PCNX1: variants seen among roughly 807,000 people sequenced by gnomAD.
PCNX1 encodes pecanex-like protein 1.
In PCNX1, 78 loss-of-function variants were observed where a neutral mutation model predicts 242.2. The observed-to-expected ratio is 0.32, with a 90% CI of 0.27 to 0.39. The LOEUF is 0.39. PCNX1 is among the 10% of genes least tolerant of loss of function. The probability of loss-of-function intolerance (pLI) is 1.00; values close to 1 mark genes in which losing one functional copy is unlikely to be tolerated. For synonymous variants in PCNX1, 1,024 were observed against 1,032.9 expected (o/e 0.99, Z 0.17); for missense variants, 2,581 against 2,856.5 (o/e 0.90, Z 2.20).
At chr14:70,995,400 G>A (rs1335602842) in intron 7 of PCNX1, among the ~76,000 whole-genome samples, 1 of 152,168 alleles carries the variant, frequency 6.6e-6, no homozygotes, top group Non-Finnish European at 1.5e-5. Context: ...GGGGCCAGCT[G>A]CAGCACACAT....
intron 12 of PCNX1, among the ~76,000 whole-genome samples, chr14:71,021,522 C>G (rs2060100676): frequency 6.6e-6 from 1 of 152,128 alleles, no homozygotes; most frequent in South Asian, 2.1e-4. Flanking sequence ...TAACAGCTGT[C>G]CATCCTTTCT....
At position 71,046,525 on chromosome 14, in the gene PCNX1, A is replaced by G. The variant is rs369648796; in HGVS notation, c.4019-439A>G. Among the ~76,000 whole-genome samples the G allele has an allele frequency of 3.6e-3, 551 of 152,144 alleles. 1 individual carries two copies. Among genetic ancestry groups the G allele is most frequent in the African/African-American group, 0.013 (534 of 41,550 alleles). On this transcript the variant is annotated intron_variant, in intron 20 of 35. Coordinates refer to ENST00000304743, the MANE Select transcript of PCNX1 (RefSeq NM_014982.3). Reference sequence around the variant, plus strand: ...CAAAGAACCATGTTTTAAATCTTTTAGTTTATCCTAGACACTTTCCCCAAT... The same window carrying G: ...CAAAGAACCATGTTTTAAATCTTTTGGTTTATCCTAGACACTTTCCCCAAT...
chr14:70,961,103 T>C (rs900414820), intron 2 of PCNX1, among the ~76,000 whole-genome samples: 3 of 152,184 alleles, frequency 2.0e-5, no homozygotes, highest in Middle Eastern at 3.2e-3. Context: ...AGGTAATTTA[T>C]AGATTCAATG....
rs1342098537 is a variant in PCNX1 at position 70,979,957 on chromosome 14, TTCTC to T, written c.2311+1313_2311+1316del. On this transcript the variant is annotated intron_variant, in intron 6 of 35. Transcript: ENST00000304743. ...CCTCGAGTCTTTGACCTGGATATAG[TTCTC>T]TCTTTTTTTTTTTTTTTGTAAACAA... Among the ~76,000 whole-genome samples the T allele has an allele frequency of 2.6e-5, 4 of 151,652 alleles. No homozygotes were observed. In the South Asian group the frequency reaches 6.2e-4, roughly 24 times the overall value.
intron 1 of PCNX1, among the ~76,000 whole-genome samples, chr14:70,913,097 G>A (rs1482646164): frequency 6.6e-6 from 1 of 151,816 alleles, no homozygotes; most frequent in Non-Finnish European, 1.5e-5. Flanking sequence ...TTGTCCTCTC[G>A]ATCATCCTCC....
rs1309572006 is a variant in PCNX1, at chr14:71,112,008, C to CTAT, written c.*2075_*2077dup. 7 of 152,380 alleles carry CTAT rather than the reference C, an allele frequency of 4.6e-5. No individual in the cohort carries two copies. The highest frequency in any genetic ancestry group is 4.6e-4 in the Admixed American group (7 of 15,260). The allele number at this position is 152,380 out of a possible 1,614,324, so 9.4% of individuals were successfully genotyped here. A position where few individuals can be genotyped will look rare whatever the true frequency, so the allele number is the denominator to read the frequency against. ...TTTTTTCTGAAACTGAATTTATAATCTATTTCTCTGTATACGTATATTTTT... is the reference window on the plus strand; with the variant it reads ...TTTTTTCTGAAACTGAATTTATAATCTATTATTTCTCTGTATACGTATATTTTT... On this transcript the variant is annotated 3_prime_UTR_variant, in exon 36 of 36. Coordinates refer to ENST00000304743, the MANE Select transcript of PCNX1 (RefSeq NM_014982.3).
At chr14:70,961,932 T>C (rs2058229737) in intron 2 of PCNX1, among the ~76,000 whole-genome samples, 1 of 152,130 alleles carries the variant, frequency 6.6e-6, no homozygotes, top group South Asian at 2.1e-4. Flanking sequence ...TCGTAACATA[T>C]TTAGTATGCT....
At chr14:71,041,954 A>T (rs2060720187) in intron 19 of PCNX1, among the ~76,000 whole-genome samples, 1 of 152,128 alleles carries the variant, frequency 6.6e-6, no homozygotes, top group South Asian at 2.1e-4. Context: ...TCAGGAGCAC[A>T]TTGTTTAATG....
chr14:70,951,957 A>G (rs1182866694), intron 2 of PCNX1, among the ~76,000 whole-genome samples: 1 of 152,270 alleles, frequency 6.6e-6, no homozygotes, highest in Non-Finnish European at 1.5e-5. Context: ...TTCTGTTAAG[A>G]AATGCATATT....
chr14:71,090,335 G>A (rs920728325), intron 30 of PCNX1, among the ~76,000 whole-genome samples: 1 of 152,254 alleles, frequency 6.6e-6, no homozygotes, highest in African/African-American at 2.4e-5. Context: ...TGATGATAGA[G>A]ACCCTGTGAT....
intron 26 of PCNX1, among the ~76,000 whole-genome samples, chr14:71,063,249 A>G (rs2061368776): frequency 1.3e-5 from 2 of 152,158 alleles, no homozygotes; most frequent in Admixed American, 6.6e-5. Context: ...TCTGTTGCAT[A>G]TTCTTCTTTG....
At chr14:71,083,084 A>C (rs1221553366) in intron 28 of PCNX1, among the ~76,000 whole-genome samples, 1 of 152,114 alleles carries the variant, frequency 6.6e-6, no homozygotes, top group African/African-American at 2.4e-5. Flanking sequence ...TTGTCTGTAA[A>C]GGATTTTATT....
intron 1 of PCNX1, among the ~76,000 whole-genome samples, chr14:70,914,591 C>T (rs893497052): frequency 2.6e-5 from 4 of 152,100 alleles, no homozygotes; most frequent in African/African-American, 9.7e-5. Context: ...GCTGACTTTA[C>T]TGAGAGTTAA....
intron 1 of PCNX1, among the ~76,000 whole-genome samples, chr14:70,911,910 T>G (rs1275921096): frequency 1.3e-5 from 2 of 152,160 alleles, no homozygotes; most frequent in Admixed American, 1.3e-4. Flanking sequence ...ATATATTGTT[T>G]TCCTCTGTAA....
chr14:71,040,227 AT>A (rs1385994077), intron 19 of PCNX1, among the ~76,000 whole-genome samples: 6 of 152,118 alleles, frequency 3.9e-5, no homozygotes, highest in African/African-American at 1.4e-4. Context: ...CGCTATTGGT[AT>A]TGAAAGATAC....
chr14:70,949,256 CACACACGTGTATGCACACACGTGTAT>C (rs2057645139), intron 2 of PCNX1, among the ~76,000 whole-genome samples: 2 of 23,860 alleles, frequency 8.4e-5, no homozygotes, highest in South Asian at 2.5e-3. Context: ...CGTGTATACA[CACACACGTGTATGCACACACGTGTAT>C]ACACACACGT....
intron 16 of PCNX1, chr14:71,031,718 T>C: frequency 9.9e-7 from 1 of 1,012,432 alleles, no homozygotes; most frequent in African/African-American, 1.6e-5. Flanking sequence ...CCTTTGGCCT[T>C]GAACTCTGAT....
At position 71,028,678 on chromosome 14, in the gene PCNX1, ACCTTTT is replaced by A. The variant is rs756089504; in HGVS notation, c.3467-12_3467-7del. ...CATATATTTTTATAAAATGTTTCTT[ACCTTTT>A]CCTTTTCCTGTCTAGCCACTACAAG... On this transcript the variant is annotated splice_polypyrimidine_tract_variant and intron_variant, in intron 15 of 35. Transcript: ENST00000304743. The A allele has an allele frequency of 1.4e-6, 2 of 1,434,608 alleles. No homozygotes were observed. Among genetic ancestry groups the A allele is most frequent in the South Asian group, 1.2e-5 (1 of 80,578 alleles). 88.9% of individuals were successfully genotyped at this position (1,434,608 alleles called of 1,614,324 possible).
intron 6 of PCNX1, among the ~76,000 whole-genome samples, chr14:70,984,629 G>T (rs189809157): frequency 6.6e-6 from 1 of 151,590 alleles, no homozygotes; most frequent in African/African-American, 2.4e-5. Context: ...CTTGTGATCC[G>T]CCTGGCTCGG....
Sources: gnomAD v4.1 joint callset for allele counts (sites outside exome capture counted in the v4.1 genomes callset) on GRCh38, gnomAD v4.1.1 for gene constraint, MANE v1.5 for transcripts, NCBI Gene and HGNC (gene_info 2026-07-23, HGNC 2026-07-21) for gene names.